The following CGNL1 variants were observed in gnomAD, a reference collection of about 807,000 sequenced individuals.
CGNL1 encodes the protein cingulin like 1, also known as cingulin-like protein 1.
CGNL1 carries 132 observed loss-of-function variants against 141.2 expected under a neutral mutation model. That is an observed-to-expected ratio of 0.93 (90% CI 0.81 to 1.08). CGNL1 has a LOEUF of 1.08. Among genes scored for constraint, CGNL1 ranks in the 50% least tolerant of loss-of-function variants. CGNL1 has a pLI of 0.00. For synonymous variants in CGNL1, 690 were observed against 622.1 expected (o/e 1.11, Z -1.63); for missense variants, 1,870 against 1,588.6 (o/e 1.18, Z -3.01).
chr15:57,540,107 G>A (rs2032485177), intron 14 of CGNL1, among the ~76,000 whole-genome samples: 1 of 152,044 alleles, frequency 6.6e-6, no homozygotes, highest in Non-Finnish European at 1.5e-5. Flanking sequence ...TCCCTCATAT[G>A]GCTAATTCCT....
chr15:57,447,319 C>A (rs1335767748), intron 4 of CGNL1, among the ~76,000 whole-genome samples: 2 of 152,178 alleles, frequency 1.3e-5, no homozygotes, highest in Non-Finnish European at 2.9e-5. Flanking sequence ...GCCTGGAGAA[C>A]TATTTTTTGA....
intron 12 of CGNL1, among the ~76,000 whole-genome samples, chr15:57,527,017 C>T (rs2031656079): frequency 6.6e-6 from 1 of 152,140 alleles, no homozygotes; most frequent in African/African-American, 2.4e-5. Context: ...ATAATTATCC[C>T]AATTTTGTGA....
At chr15:57,511,789 G>A (rs1011930969) in intron 8 of CGNL1, among the ~76,000 whole-genome samples, 14 of 152,232 alleles carry the variant, frequency 9.2e-5, no homozygotes, top group African/African-American at 3.1e-4. Context: ...TGGAGTGGCA[G>A]AGGAATCGAC....
chr15:57,424,479 A>G (rs1419626905), intron 1 of CGNL1, among the ~76,000 whole-genome samples: 9 of 152,204 alleles, frequency 5.9e-5, no homozygotes, highest in Non-Finnish European at 1.2e-4. Flanking sequence ...GCTGTAGAAG[A>G]GTGACTAGCA....
chr15:57,494,971 C>G (rs2063916865), intron 8 of CGNL1, among the ~76,000 whole-genome samples: 1 of 152,226 alleles, frequency 6.6e-6, no homozygotes, highest in South Asian at 2.1e-4. Context: ...ATTTATCACT[C>G]ATTCCTTGTA....
intron 7 of CGNL1, among the ~76,000 whole-genome samples, chr15:57,461,035 A>T (rs1014772899): frequency 6.6e-6 from 1 of 152,152 alleles, no homozygotes; most frequent in African/African-American, 2.4e-5. Context: ...TGGGACAAAA[A>T]TGCTGGAGGG....
intron 1 of CGNL1, among the ~76,000 whole-genome samples, chr15:57,419,097 A>G (rs2062884545): frequency 6.6e-6 from 1 of 152,116 alleles, no homozygotes; most frequent in East Asian, 1.9e-4. Flanking sequence ...ACGCCCGGCT[A>G]ATTTTTGTAT....
At chr15:57,487,207 G>A (rs2063796780) in intron 8 of CGNL1, among the ~76,000 whole-genome samples, 2 of 152,186 alleles carry the variant, frequency 1.3e-5, no homozygotes. Flanking sequence ...TTCATATTAT[G>A]AAGAACAAGA....
At chr15:57,409,147 C>T (rs1474651847) in intron 1 of CGNL1, among the ~76,000 whole-genome samples, 7 of 152,200 alleles carry the variant, frequency 4.6e-5, no homozygotes, top group Middle Eastern at 3.4e-3. Flanking sequence ...CGTGCACACG[C>T]GTGTGTGCTG....
intron 8 of CGNL1, among the ~76,000 whole-genome samples, chr15:57,500,499 G>A (rs547193328): frequency 1.3e-4 from 20 of 152,330 alleles, no homozygotes; most frequent in African/African-American, 4.3e-4. Flanking sequence ...TGAGAGGCTA[G>A]AACGAACGTC....
intron 8 of CGNL1, among the ~76,000 whole-genome samples, chr15:57,465,383 CTTTTTTTTTT>C (rs11332989): frequency 6.2e-5 from 5 of 80,856 alleles, no homozygotes; most frequent in African/African-American, 2.5e-4. Context: ...TAAAAACTGA[CTTTTTTTTTT>C]TTTTTTTTTT....
At chr15:57,475,971 C>T (rs1250426358) in intron 8 of CGNL1, among the ~76,000 whole-genome samples, 1 of 152,130 alleles carries the variant, frequency 6.6e-6, no homozygotes, top group Non-Finnish European at 1.5e-5. Context: ...TCTTTTGTCC[C>T]TCGGGTGGCA....
intron 1 of CGNL1, among the ~76,000 whole-genome samples, chr15:57,420,844 G>A (rs779626683): frequency 5.8e-4 from 88 of 152,292 alleles, no homozygotes; most frequent in African/African-American, 1.8e-3. Context: ...TGAACAATTC[G>A]TTTTCTATCT....
chr15:57,489,528 G>T (rs1452803492), intron 8 of CGNL1, among the ~76,000 whole-genome samples: 1 of 152,116 alleles, frequency 6.6e-6, no homozygotes, highest in Non-Finnish European at 1.5e-5. Flanking sequence ...CTTTTTCTAA[G>T]AATTTAATAG....
chr15:57,541,308 G>T (rs964464140), intron 14 of CGNL1, among the ~76,000 whole-genome samples: 2 of 152,242 alleles, frequency 1.3e-5, no homozygotes, highest in Non-Finnish European at 2.9e-5. Flanking sequence ...GAACAGAACG[G>T]CTGCCCCTGG....
intron 8 of CGNL1, among the ~76,000 whole-genome samples, chr15:57,502,537 C>G (rs1011200297): frequency 2.0e-5 from 3 of 152,130 alleles, no homozygotes; most frequent in Non-Finnish European, 4.4e-5. Flanking sequence ...AAATACAGGC[C>G]TGTTTTAATT....
chr15:57,422,676 T>C (rs968406651), intron 1 of CGNL1, among the ~76,000 whole-genome samples: 5 of 152,162 alleles, frequency 3.3e-5, no homozygotes, highest in Non-Finnish European at 7.3e-5. Context: ...ACATTATTAT[T>C]ATTATTGCAA....
In CGNL1 at chr15:57,543,013, A is replaced by T. The variant is rs554282135; in HGVS notation, c.3292-683A>T. Among the ~76,000 whole-genome samples the T allele has an allele frequency of 2.0e-5, 3 of 152,316 alleles. No homozygotes were observed. In the East Asian group the frequency reaches 5.8e-4, roughly 29 times the overall value. ...CCAATTTTCTAGGGCTGCTGTAACA[A>T]AGTAACACAACCTGGGTGCCTTAAA... is the stretch of plus-strand genomic sequence containing the variant. On this transcript the variant is annotated intron_variant, in intron 14 of 18. Coordinates refer to ENST00000281282, the MANE Select transcript of CGNL1 (RefSeq NM_032866.5).
intron 14 of CGNL1, among the ~76,000 whole-genome samples, chr15:57,539,504 C>T (rs1420320609): frequency 1.3e-5 from 2 of 152,324 alleles, no homozygotes; most frequent in Admixed American, 6.5e-5. Flanking sequence ...TGCACACCCT[C>T]GTGCCCCCTC....
Sources: gnomAD v4.1 joint callset for allele counts (sites outside exome capture counted in the v4.1 genomes callset) on GRCh38, gnomAD v4.1.1 for gene constraint, MANE v1.5 for transcripts, NCBI Gene and HGNC (gene_info 2026-07-23, HGNC 2026-07-21) for gene names.